Variants in KATNIP observed in about 807,000 individuals in gnomAD.
KATNIP encodes katanin interacting protein, also known as katanin-interacting protein.
A neutral mutation model predicts 174.0 loss-of-function variants in KATNIP; 126 were observed. The ratio of observed to expected loss-of-function variants is 0.72; its 90% CI spans 0.63 to 0.84. The LOEUF (loss-of-function observed/expected upper bound fraction) is 0.84, where lower values mean the gene tolerates loss of function less well. Ranked by LOEUF, KATNIP falls within the 40% of genes least tolerant of loss-of-function variation. The pLI, the probability that KATNIP is intolerant of heterozygous loss-of-function variation, is 0.00. For missense variants in KATNIP, 1,958 were observed against 2,109.7 expected (o/e 0.93, Z 1.41); for synonymous variants, 810 against 835.7 (o/e 0.97, Z 0.53).
intron 6 of KATNIP, among the ~76,000 whole-genome samples, chr16:27,658,201 A>G (rs2077359408): frequency 1.3e-5 from 2 of 152,208 alleles, no homozygotes; most frequent in Admixed American, 1.3e-4. Flanking sequence ...ATGTGACTAT[A>G]ATTTGTCGCA....
At chr16:27,648,557 G>A (rs2142334756) in intron 5 of KATNIP, 47 bp from the exon 6 acceptor site, 2 of 1,610,444 alleles carry the variant, frequency 1.2e-6, no homozygotes, top group Non-Finnish European at 1.7e-6. Flanking sequence ...GCAGAGGAAT[G>A]AAGACCTCAT....
At chr16:27,649,248 G>T (rs558301377) in intron 6 of KATNIP, among the ~76,000 whole-genome samples, 7 of 152,228 alleles carry the variant, frequency 4.6e-5, no homozygotes, top group Non-Finnish European at 1.0e-4. Context: ...AAGCCTAGAG[G>T]CCTATGCAGC....
At chr16:27,706,584 C>T (rs1415243961) in intron 12 of KATNIP, among the ~76,000 whole-genome samples, 1 of 152,200 alleles carries the variant, frequency 6.6e-6, no homozygotes, top group African/African-American at 2.4e-5. Flanking sequence ...TTGGGCAGTG[C>T]AGAAGCAGGA....
intron 17 of KATNIP, 63 bp downstream of exon 17, chr16:27,751,987 G>A: frequency 1.5e-6 from 2 of 1,339,768 alleles, no homozygotes; most frequent in Non-Finnish European, 2.0e-6. Flanking sequence ...CTAACTCAGA[G>A]TAGAGCAGGG....
intron 2 of KATNIP, among the ~76,000 whole-genome samples, chr16:27,616,762 A>G (rs1216722465): frequency 1.3e-5 from 2 of 151,390 alleles, no homozygotes; most frequent in South Asian, 4.2e-4. Flanking sequence ...ATAAAAGGGT[A>G]TATGGGGCTG....
intron 5 of KATNIP, among the ~76,000 whole-genome samples, chr16:27,641,326 C>A (rs1055888851): frequency 1.3e-5 from 2 of 152,044 alleles, no homozygotes; most frequent in African/African-American, 4.8e-5. Flanking sequence ...CTCAACCCCC[C>A]CTGTGCCCCA....
intron 1 of KATNIP, among the ~76,000 whole-genome samples, chr16:27,568,987 G>C (rs1238445698): frequency 6.6e-6 from 1 of 152,156 alleles, no homozygotes; most frequent in Non-Finnish European, 1.5e-5. Flanking sequence ...TAAATAGAGG[G>C]AGTGATTACA....
At chr16:27,595,786 G>A (rs965316157) in intron 2 of KATNIP, among the ~76,000 whole-genome samples, 2 of 152,194 alleles carry the variant, frequency 1.3e-5, no homozygotes, top group Non-Finnish European at 2.9e-5. Context: ...TGGGGACAAC[G>A]GAGGAGGGAT....
intron 19 of KATNIP, among the ~76,000 whole-genome samples, chr16:27,762,093 A>T (rs1055649083): frequency 4.6e-5 from 7 of 152,110 alleles, no homozygotes; most frequent in Non-Finnish European, 8.8e-5. Context: ...GCGTCAAGTC[A>T]GTAGGTGGGG....
At chr16:27,596,095 C>T (rs914614966) in intron 2 of KATNIP, among the ~76,000 whole-genome samples, 2 of 152,030 alleles carry the variant, frequency 1.3e-5, no homozygotes, top group African/African-American at 2.4e-5. Context: ...AGAGGAGGAC[C>T]GTGACCTAGC....
At chr16:27,663,071 C>T (rs2077572983) in intron 6 of KATNIP, among the ~76,000 whole-genome samples, 1 of 150,486 alleles carries the variant, frequency 6.6e-6, no homozygotes, top group Non-Finnish European at 1.5e-5. Context: ...TTTGGTATCA[C>T]ATTGGTTCTC....
intron 3 of KATNIP, among the ~76,000 whole-genome samples, chr16:27,620,801 A>T (rs556296205): frequency 4.0e-4 from 61 of 152,354 alleles, no homozygotes; most frequent in African/African-American, 1.3e-3. Context: ...AGCTTCCCAT[A>T]AGAAGCAGGG....
At chr16:27,643,590 C>CAAAAAAAAAA (rs562253355) in intron 5 of KATNIP, among the ~76,000 whole-genome samples, 6 of 40,486 alleles carry the variant, frequency 1.5e-4, no homozygotes, top group African/African-American at 2.1e-4. Flanking sequence ...GACTCTGTCT[C>CAAAAAAAAAA]AAAAAAAAAA....
chr16:27,621,335 T>C (rs1035752881), intron 3 of KATNIP, among the ~76,000 whole-genome samples: 1 of 152,068 alleles, frequency 6.6e-6, no homozygotes, highest in African/African-American at 2.4e-5. Flanking sequence ...CATAGCTACA[T>C]CCAAGTGTTT....
intron 14 of KATNIP, among the ~76,000 whole-genome samples, chr16:27,738,350 G>A (rs750611240): frequency 1.8e-4 from 28 of 152,278 alleles, no homozygotes; most frequent in Admixed American, 4.6e-4. Flanking sequence ...TCTCTTGAGT[G>A]TGATGGCTTC....
Position 27,631,148 on chromosome 16 carries a change from C to T in KATNIP, c.394C>T (p.Arg132Ter), listed in dbSNP as rs1215744227. 7 of 1,568,634 alleles carry T rather than the reference C, an allele frequency of 4.5e-6. No homozygotes were observed. The highest frequency in any genetic ancestry group is 6.1e-6 in the Non-Finnish European group (7 of 1,155,660). Residue 132 changes from arginine (R) to a stop codon, truncating the protein, a stop_gained, in exon 5 of 28, where the codon CGA becomes TGA. Coordinates refer to ENST00000261588, the MANE Select transcript of KATNIP (RefSeq NM_015202.5). LOFTEE classifies it high-confidence loss of function. ...GACAGCCCCCAGTAAAGTCCAGCGCCGAGGATGGCACCAGGTCTGGAGACT... is the reference window on the plus strand; with the variant it reads ...GACAGCCCCCAGTAAAGTCCAGCGCTGAGGATGGCACCAGGTCTGGAGACT... ...SRTAPSKVQRRGWHQKSVQIR... is the reference protein window; with the variant it reads ...SRTAPSKVQR
intron 14 of KATNIP, among the ~76,000 whole-genome samples, chr16:27,738,184 T>G (rs1288510261): frequency 6.6e-6 from 1 of 152,108 alleles, no homozygotes; most frequent in African/African-American, 2.4e-5. Context: ...AAAGACTACA[T>G]GCAACATGAT....
chr16:27,609,378 C>CTTT lies in KATNIP; in HGVS notation c.64-9019_64-9017dup, dbSNP rs35339029. 7.7e-4 allele frequency among the ~76,000 whole-genome samples: 43 copies of CTTT among 55,644 alleles called. 2 individuals are homozygous for CTTT. Among genetic ancestry groups the CTTT allele is most frequent in the African/African-American group, 1.2e-3 (15 of 12,240 alleles). 36.5% of individuals were successfully genotyped at this position (55,644 alleles called of 152,430 possible). ...TGAGAAGGGAATATCTGAGTTAAGT[C>CTTT]TTTTTTTTTTTTTTTTTTTTTTTTT... On this transcript the variant is annotated intron_variant, in intron 2 of 27. Transcript: ENST00000261588.
chr16:27,608,788 G>T (rs369673063), intron 2 of KATNIP, among the ~76,000 whole-genome samples: 23 of 152,310 alleles, frequency 1.5e-4, no homozygotes, highest in African/African-American at 5.5e-4. Flanking sequence ...GGACATTGAG[G>T]CTCTGCTTTC....
Sources: gnomAD v4.1 joint callset for allele counts (sites outside exome capture counted in the v4.1 genomes callset) on GRCh38, gnomAD v4.1.1 for gene constraint, MANE v1.5 for transcripts, NCBI Gene and HGNC (gene_info 2026-07-23, HGNC 2026-07-21) for gene names.